Variants in ANO1 observed in about 807,000 individuals in gnomAD.
The protein encoded by ANO1 is anoctamin 1.
In ANO1, 59 loss-of-function variants were observed where a neutral mutation model predicts 124.0. The observed-to-expected ratio is 0.48, with a 90% CI of 0.39 to 0.59. ANO1 has a LOEUF of 0.59. Ranked by LOEUF, ANO1 falls within the 20% of genes least tolerant of loss-of-function variation. ANO1 has a pLI of 0.00. For missense variants in ANO1, 1,059 were observed against 1,328.0 expected, an observed-to-expected ratio of 0.80 and a Z score of 3.15; for synonymous variants, 529 against 532.0, an observed-to-expected ratio of 0.99 and a Z score of 0.08.
At chr11:70,056,622 C>T (rs1555006901) in intron 1 of ANO1, 1 of 152,078 alleles carries the variant, frequency 6.6e-6, no homozygotes, top group Non-Finnish European at 1.5e-5. Flanking sequence ...CAAATATACC[C>T]TGTTTTGGGT....
At chr11:70,064,521 C>G (rs1857671630) in intron 1 of ANO1, 1 of 152,296 alleles carries the variant, frequency 6.6e-6, no homozygotes. Flanking sequence ...CGCTGGCCCC[C>G]TCTCTGGCTA....
intron 24 of ANO1, 108 bp downstream of exon 24, chr11:70,182,794 C>T: frequency 1.9e-6 from 2 of 1,035,994 alleles, no homozygotes; most frequent in Admixed American, 3.7e-5. Flanking sequence ...ACAACGCAAA[C>T]TTGCTTAAAA....
chr11:70,039,660 A>G (rs1857151667), intron 1 of ANO1, among the ~76,000 whole-genome samples: 1 of 151,716 alleles, frequency 6.6e-6, no homozygotes, highest in South Asian at 2.1e-4. Context: ...CGCAGGTAGT[A>G]GTCCCACCTC....
chr11:70,070,222 G>A (rs1024253741), intron 1 of ANO1, among the ~76,000 whole-genome samples: 9 of 152,056 alleles, frequency 5.9e-5, no homozygotes, highest in Admixed American at 3.3e-4. Context: ...GAAAATGAGC[G>A]ATCAAATTAT....
rs977523054 is a variant in ANO1 at position 70,189,004 on chromosome 11, T to C, written c.*1000T>C. 3.9e-5 allele frequency: 6 copies of C among 152,578 alleles called. No homozygotes were observed. The highest frequency in any genetic ancestry group is 5.9e-5 in the Non-Finnish European group (4 of 68,032). 9.5% of individuals were successfully genotyped at this position (152,578 alleles called of 1,614,324 possible). ...TGAGAGGAATTTAAAATACTGTTAC[T>C]ACCAAAGATTTTTATTAATAAAGGC... On this transcript the variant is annotated 3_prime_UTR_variant, in exon 26 of 26. Coordinates refer to ENST00000355303, the MANE Select transcript of ANO1 (RefSeq NM_018043.7).
intron 24 of ANO1, 88 bp downstream of exon 24, chr11:70,182,774 A>G: frequency 8.3e-7 from 1 of 1,202,880 alleles, no homozygotes; most frequent in East Asian, 3.0e-5. Flanking sequence ...AATCAGGAGC[A>G]AGTCATGAAA....
At chr11:70,173,732 C>T (rs1191574355) in intron 22 of ANO1, among the ~76,000 whole-genome samples, 2 of 152,138 alleles carry the variant, frequency 1.3e-5, no homozygotes, top group African/African-American at 4.8e-5. Flanking sequence ...GCTTTTCATA[C>T]ATTTTTCATT....
At position 70,096,768 on chromosome 11, in the gene ANO1, G is replaced by A. The variant is rs571493258; in HGVS notation, c.442-6298G>A. The stretch of plus-strand genomic sequence containing the variant: ...CCCAGCTACTTGGGAGGCTGAGGCG[G>A]GAGAATTGCTGGAACCTGGGAGGCG... On this transcript the variant is annotated intron_variant, in intron 2 of 25. Coordinates refer to ENST00000355303, the MANE Select transcript of ANO1 (RefSeq NM_018043.7). Among the ~76,000 whole-genome samples the A allele has an allele frequency of 3.7e-4, 57 of 152,288 alleles. No homozygotes were observed. The South Asian group carries it at 5.4e-3, about 14-fold the overall frequency.
intron 1 of ANO1, among the ~76,000 whole-genome samples, chr11:70,054,165 G>A (rs1027878235): frequency 3.9e-5 from 6 of 152,202 alleles, no homozygotes; most frequent in African/African-American, 1.4e-4. Context: ...CGTCACAGGT[G>A]TAAAGTCCAT....
chr11:70,073,924 T>A (rs1175154264), upstream of ANO1, among the ~76,000 whole-genome samples: 1 of 137,576 alleles, frequency 7.3e-6, no homozygotes, highest in African/African-American at 2.8e-5. Flanking sequence ...GCCCATGGAG[T>A]CCCGCCGTCA....
intron 19 of ANO1, among the ~76,000 whole-genome samples, chr11:70,164,876 C>G (rs1334510037): frequency 6.6e-6 from 1 of 152,168 alleles, no homozygotes; most frequent in Admixed American, 6.5e-5. Context: ...AGGCCCTGCC[C>G]CACCCCTGCT....
At chr11:69,987,596 C>T (rs1370799543) in intron 1 of ANO1, among the ~76,000 whole-genome samples, 2 of 113,438 alleles carry the variant, frequency 1.8e-5, no homozygotes, top group East Asian at 5.0e-4. Flanking sequence ...CAGAGCAAGA[C>T]CATGTCTCAA....
chr11:70,041,714 G>A (rs972029431), intron 1 of ANO1, among the ~76,000 whole-genome samples: 13 of 151,910 alleles, frequency 8.6e-5, no homozygotes, highest in South Asian at 8.3e-4. Flanking sequence ...GGAGGTTCTC[G>A]GTGAAAATAT....
chr11:70,101,719 T>C (rs1159801730), intron 2 of ANO1, among the ~76,000 whole-genome samples: 1 of 151,906 alleles, frequency 6.6e-6, no homozygotes, highest in Non-Finnish European at 1.5e-5. Flanking sequence ...GCCCTGAGCC[T>C]GCACCTGGTC....
intron 1 of ANO1, among the ~76,000 whole-genome samples, chr11:70,025,410 A>G (rs927761505): frequency 6.6e-6 from 1 of 150,742 alleles, no homozygotes; most frequent in Non-Finnish European, 1.5e-5. Context: ...GGTGGTGACA[A>G]TGATGACGAT....
chr11:69,974,674 C>T, the ANO1 span, among the ~76,000 whole-genome samples: 1 of 152,154 alleles, frequency 6.6e-6, no homozygotes, highest in African/African-American at 2.4e-5. Context: ...CTCTGAGCCT[C>T]CCAGCAGCCA....
chr11:70,062,905 GTTT>G (rs569781471), intron 1 of ANO1, among the ~76,000 whole-genome samples: 3 of 152,206 alleles, frequency 2.0e-5, no homozygotes, highest in Non-Finnish European at 4.4e-5. Context: ...CTATTATGTT[GTTT>G]TTTTGTTGTT....
the ANO1 span, among the ~76,000 whole-genome samples, chr11:69,979,953 C>T: frequency 2.0e-5 from 3 of 152,152 alleles, no homozygotes; most frequent in Non-Finnish European, 4.4e-5. Context: ...AGGGCCTCCC[C>T]AGGGTATCCC....
chr11:69,999,545 C>T (rs782088084), intron 1 of ANO1, among the ~76,000 whole-genome samples: 1 of 152,174 alleles, frequency 6.6e-6, no homozygotes, highest in Non-Finnish European at 1.5e-5. Context: ...TTGCTAGGTT[C>T]CGTGCTCACC....
Sources: allele counts gnomAD v4.1 joint callset (sites outside exome capture counted in the v4.1 genomes callset), GRCh38; gene constraint gnomAD v4.1.1; transcripts MANE v1.5; gene names NCBI Gene and HGNC (gene_info 2026-07-23, HGNC 2026-07-21).